Variants in MTUS2 observed in about 807,000 individuals in gnomAD.
MTUS2 encodes the protein microtubule associated scaffold protein 2.
A neutral mutation model predicts 114.1 loss-of-function variants in MTUS2; 40 were observed. That is an observed-to-expected ratio of 0.35 (90% confidence interval 0.27 to 0.46). The LOEUF is 0.46. Among genes scored for constraint, MTUS2 ranks in the 20% least tolerant of loss-of-function variants. The probability of loss-of-function intolerance (pLI) is 1.00; values close to 1 mark genes in which losing one functional copy is unlikely to be tolerated. For synonymous variants in MTUS2, 688 were observed against 672.0 expected (o/e 1.02, Z -0.37); for missense variants, 1,679 against 1,705.4 (o/e 0.98, Z 0.27).
chr13:29,045,832 G>A (rs1376599006), intron 4 of MTUS2, among the ~76,000 whole-genome samples: 1 of 152,114 alleles, frequency 6.6e-6, no homozygotes, highest in Non-Finnish European at 1.5e-5. Flanking sequence ...ATTTAAGGAG[G>A]ATTTCTCTCC....
chr13:29,014,636 C>T (rs1185868808), intron 2 of MTUS2, among the ~76,000 whole-genome samples: 3 of 152,202 alleles, frequency 2.0e-5, no homozygotes, highest in Non-Finnish European at 4.4e-5. Context: ...AAAGCCCCTC[C>T]TCAGAAGGGC....
intron 2 of MTUS2, among the ~76,000 whole-genome samples, chr13:28,951,556 T>G (rs1437459483): frequency 6.6e-6 from 1 of 152,120 alleles, no homozygotes; most frequent in Non-Finnish European, 1.5e-5. Flanking sequence ...CCCAGCACTT[T>G]GGGAGGCCAC....
chr13:29,125,195 A>G (rs1329089491), intron 5 of MTUS2, among the ~76,000 whole-genome samples: 1 of 152,218 alleles, frequency 6.6e-6, no homozygotes, highest in African/African-American at 2.4e-5. Context: ...CTAAAATGTC[A>G]CTTTGATAAC....
chr13:29,390,436 T>C (rs894057134), intron 8 of MTUS2, among the ~76,000 whole-genome samples: 28 of 151,746 alleles, frequency 1.8e-4, no homozygotes, highest in Admixed American at 7.9e-4. Flanking sequence ...GGTGGATCAC[T>C]TGAGGTCAGG....
chr13:29,028,185 T>C (rs1886650047), intron 3 of MTUS2, among the ~76,000 whole-genome samples: 1 of 151,696 alleles, frequency 6.6e-6, no homozygotes, highest in Non-Finnish European at 1.5e-5. Flanking sequence ...ACCCCGTCTC[T>C]ACTAAAAATA....
intron 8 of MTUS2, among the ~76,000 whole-genome samples, chr13:29,407,223 G>A (rs1304253132): frequency 2.6e-5 from 4 of 152,128 alleles, no homozygotes; most frequent in Non-Finnish European, 5.9e-5. Flanking sequence ...TCCAGCCTGG[G>A]CAACAGAGCG....
intron 4 of MTUS2, among the ~76,000 whole-genome samples, chr13:29,087,754 G>C (rs1238101481): frequency 2.0e-5 from 3 of 152,146 alleles, no homozygotes; most frequent in African/African-American, 7.2e-5. Context: ...TATAATGTTA[G>C]GTGGTTAGTT....
At chr13:29,278,694 A>G (rs561175062) in intron 5 of MTUS2, among the ~76,000 whole-genome samples, 4 of 152,362 alleles carry the variant, frequency 2.6e-5, no homozygotes, top group African/African-American at 7.2e-5. Flanking sequence ...AAACTGAGCA[A>G]ACTTCCCTGT....
At chr13:29,167,103 G>C (rs981921615) in intron 5 of MTUS2, among the ~76,000 whole-genome samples, 4 of 152,220 alleles carry the variant, frequency 2.6e-5, no homozygotes, top group African/African-American at 9.6e-5. Context: ...GGCTGGGCAC[G>C]GTGGCTCACG....
chr13:28,940,472 G>A (rs1882167499), intron 2 of MTUS2, among the ~76,000 whole-genome samples: 1 of 152,142 alleles, frequency 6.6e-6, no homozygotes. Context: ...AGGGGCGTGG[G>A]AAGTAACTAC....
At chr13:28,876,713 G>A (rs1473730242) in intron 2 of MTUS2, among the ~76,000 whole-genome samples, 1 of 152,120 alleles carries the variant, frequency 6.6e-6, no homozygotes, top group Admixed American at 6.5e-5. Context: ...CCCACCCATG[G>A]AGTGAGGGGA....
At chr13:29,022,375 A>G (rs1055813643) in intron 2 of MTUS2, among the ~76,000 whole-genome samples, 1 of 152,162 alleles carries the variant, frequency 6.6e-6, no homozygotes, top group South Asian at 2.1e-4. Flanking sequence ...TAACATATAC[A>G]TTTTATTAAA....
At chr13:29,422,868 G>A (rs567108552) in intron 8 of MTUS2, among the ~76,000 whole-genome samples, 1 of 152,232 alleles carries the variant, frequency 6.6e-6, no homozygotes, top group Admixed American at 6.5e-5. Flanking sequence ...CTGACCTCAG[G>A]TGATACCTGC....
chr13:28,868,346 T>C (rs1324326406), intron 2 of MTUS2, among the ~76,000 whole-genome samples: 1 of 152,234 alleles, frequency 6.6e-6, no homozygotes, highest in Non-Finnish European at 1.5e-5. Context: ...AGAAGTATCA[T>C]AGTCAGTGGC....
At chr13:29,308,057 T>G (rs1400231613) in intron 6 of MTUS2, among the ~76,000 whole-genome samples, 1 of 152,238 alleles carries the variant, frequency 6.6e-6, no homozygotes, top group African/African-American at 2.4e-5. Context: ...ACCATTGACA[T>G]TCTTCACAGA....
intron 5 of MTUS2, among the ~76,000 whole-genome samples, chr13:29,215,561 G>A (rs1053947125): frequency 4.0e-5 from 6 of 148,164 alleles, no homozygotes; most frequent in African/African-American, 1.5e-4. Flanking sequence ...GGGGTTTTGT[G>A]TGCATGTTCT....
intron 2 of MTUS2, among the ~76,000 whole-genome samples, chr13:28,888,717 C>T (rs187084720): frequency 4.6e-5 from 7 of 152,156 alleles, no homozygotes; most frequent in Admixed American, 2.0e-4. Flanking sequence ...ACACCGCGCT[C>T]GGCTCCTCTT....
chr13:29,010,935 CT>C (rs1885813265), intron 2 of MTUS2, among the ~76,000 whole-genome samples: 1 of 152,088 alleles, frequency 6.6e-6, no homozygotes, highest in Non-Finnish European at 1.5e-5. Context: ...AGAGGTGCCC[CT>C]GGAGTCAGGA....
chr13:28,980,881 G>A (rs1593353124), intron 2 of MTUS2, among the ~76,000 whole-genome samples: 1 of 152,324 alleles, frequency 6.6e-6, no homozygotes, highest in Middle Eastern at 3.4e-3. Flanking sequence ...TGTCTGAACC[G>A]TGACACTTCT....
Sources: allele counts gnomAD v4.1 joint callset (sites outside exome capture counted in the v4.1 genomes callset), GRCh38; gene constraint gnomAD v4.1.1; transcripts MANE v1.5; gene names NCBI Gene and HGNC (gene_info 2026-07-23, HGNC 2026-07-21).